The following ANXA11 variants were observed in gnomAD, a reference collection of about 807,000 sequenced individuals.
ANXA11 encodes 56 kDa autoantigen.
In ANXA11, 57 loss-of-function variants were observed where a neutral mutation model predicts 64.7. The ratio of observed to expected loss-of-function variants is 0.88; its 90% CI spans 0.71 to 1.10. ANXA11 has a LOEUF of 1.10. Ranked by LOEUF, ANXA11 falls within the 50% of genes least tolerant of loss-of-function variation. The pLI, the probability that ANXA11 is intolerant of heterozygous loss-of-function variation, is 0.00. For synonymous variants in ANXA11, 260 were observed against 265.2 expected (o/e 0.98, Z 0.19); for missense variants, 675 against 670.7 (o/e 1.01, Z -0.07).
At chr10:80,171,077 C>G in intron 3 of ANXA11, 162 bp from the exon 4 acceptor site, 1 of 1,519,438 alleles carries the variant, frequency 6.6e-7, no homozygotes, top group East Asian at 2.5e-5. Flanking sequence ...GGAGGAAAGT[C>G]TCCCCCTATC....
In ANXA11 at chr10:80,185,232, A is replaced by G. The variant is rs192642279; in HGVS notation, c.-57-9077T>C. On this transcript the variant is annotated intron_variant, in intron 1 of 15. Transcript: ENST00000422982. ...TGAACACCTACCATCTACTGCCCCC[A>G]GAAGTCTTGCTCAGATCTAACCGGG... is the stretch of plus-strand genomic sequence containing the variant. 9.8e-5 allele frequency among the ~76,000 whole-genome samples: 15 copies of G among 152,314 alleles called. No homozygotes were observed. In the East Asian group the frequency reaches 2.7e-3, roughly 27 times the overall value.
At chr10:80,187,188 T>C (rs1846573732) in intron 1 of ANXA11, among the ~76,000 whole-genome samples, 1 of 152,140 alleles carries the variant, frequency 6.6e-6, no homozygotes, top group African/African-American at 2.4e-5. Context: ...TCCCCAAAAT[T>C]CATTTATTGA....
Position 80,163,449 on chromosome 10 carries a change from T to G in ANXA11, c.1030-44A>C, listed in dbSNP as rs2236558. ...ATGGTCATGCCCACTCCTTCCCCAT[T>G]TATTTTCCCTTTCCTCATTGCGGGG... On this transcript the variant is annotated intron_variant, in intron 10 of 15. Coordinates refer to ENST00000422982, the MANE Select transcript of ANXA11 (RefSeq NM_145868.2). 544,558 of 1,612,832 alleles carry G rather than the reference T, an allele frequency of 0.34. 93,588 individuals are homozygous for G. Among genetic ancestry groups the G allele is most frequent in the African/African-American group, 0.4 (30,313 of 74,910 alleles).
Position 80,167,277 on chromosome 10 carries a change from A to G in ANXA11, c.598T>C (p.Phe200Leu). 1 of 1,614,156 alleles carries G rather than the reference A, an allele frequency of 6.2e-7. No individual in the cohort carries two copies. The highest frequency in any genetic ancestry group is 8.5e-7 in the Non-Finnish European group (1 of 1,180,020). The change falls in exon 6 of 16, where the codon TTT (phenylalanine) becomes CTT (leucine). Residue 200 changes from phenylalanine (F) to leucine (L), a missense_variant. Transcript: ENST00000422982. ...ACCTCGGCATCTCGCAGGGGGTCAA[A>G]GCCGGGAGCATCAGTGATGGTGCCT... is the stretch of plus-strand genomic sequence containing the variant. ...SRGTITDAPG[F>L]DPLRDAEVLR... is the part of the protein sequence containing the mutation.
chr10:80,175,955 G>A (rs1458009166), intron 2 of ANXA11, among the ~76,000 whole-genome samples, 152 bp downstream of exon 2: 1 of 152,206 alleles, frequency 6.6e-6, no homozygotes, highest in Non-Finnish European at 1.5e-5. Flanking sequence ...TCGGGAGGCT[G>A]AGGCAGGAGA....
intron 1 of ANXA11, among the ~76,000 whole-genome samples, chr10:80,192,804 A>T (rs1846830682): frequency 6.6e-6 from 1 of 152,198 alleles, no homozygotes; most frequent in South Asian, 2.1e-4. Context: ...TACTGGATAG[A>T]GATATTTGGA....
At chr10:80,184,292 C>G (rs1251731148) in intron 1 of ANXA11, among the ~76,000 whole-genome samples, 1 of 152,162 alleles carries the variant, frequency 6.6e-6, no homozygotes, top group East Asian at 1.9e-4. Context: ...ATAAAGCCAT[C>G]ATGAGTTGAA....
At chr10:80,197,528 T>G (rs1840220216) in intron 1 of ANXA11, among the ~76,000 whole-genome samples, 1 of 152,086 alleles carries the variant, frequency 6.6e-6, no homozygotes, top group Non-Finnish European at 1.5e-5. Context: ...CCACCTCAGT[T>G]CAGGGTTCAA....
In ANXA11 at chr10:80,167,001, C is replaced by G; in HGVS notation, c.650-17G>C. ...CATCCGTCCCTGGAGGAAGAGGCAG[C>G]AGGGGTGGGTCGGGTAGGGGTCATG... is the stretch of plus-strand genomic sequence containing the variant. On this transcript the variant is annotated splice_polypyrimidine_tract_variant and intron_variant, in intron 6 of 15. Transcript: ENST00000422982. 6.4e-7 allele frequency: 1 copy of G among 1,564,898 alleles called. No individual in the cohort carries two copies. The highest frequency in any genetic ancestry group is 1.2e-5 in the South Asian group (1 of 86,504).
At chr10:80,155,975 T>TCCTG in intron 15 of ANXA11, 63 bp from the exon 16 acceptor site, 1 of 1,533,930 alleles carries the variant, frequency 6.5e-7, no homozygotes, top group Non-Finnish European at 9.0e-7. Context: ...GCCTTCTGGG[T>TCCTG]CCTGATATTC....
chr10:80,192,860 A>G (rs1361434871), intron 1 of ANXA11, among the ~76,000 whole-genome samples: 4 of 152,276 alleles, frequency 2.6e-5, no homozygotes, highest in African/African-American at 9.6e-5. Context: ...ATTTGCAGGC[A>G]CACAAGCTTC....
In ANXA11 at chr10:80,169,158, T is replaced by C. The variant is rs759288711; in HGVS notation, c.372A>G (p.Pro124=). The C allele has an allele frequency of 6.4e-7, 1 of 1,569,698 alleles. No individual in the cohort carries two copies. The highest frequency in any genetic ancestry group is 2.0e-5 in the Admixed American group (1 of 50,694). The part of the protein sequence containing the change: ...PSRMPSYPPY[P]GAPVPGQPMP... ...TGGGCTGGCCCGGCACAGGGGCCCC[T>C]GGGTATGGCGGATATGAGGGCATCC... The change falls in exon 5 of 16, where the codon CCA becomes CCG. Residue 124 remains proline (P), a synonymous_variant. Transcript: ENST00000422982.
At position 80,151,653 on chromosome 10, in the gene ANXA11, G is replaced by C. The variant is rs1027801542; in HGVS notation, c.*4200C>G. The stretch of plus-strand genomic sequence containing the variant: ...CACTTTGACCGTGGGCACCTGCAAA[G>C]GTTCATCTTTCAGCTCCCTCTTCCC... On this transcript the variant is annotated 3_prime_UTR_variant, in exon 16 of 16. Coordinates refer to ENST00000422982, the MANE Select transcript of ANXA11 (RefSeq NM_145868.2). 6 of 152,172 alleles carry C rather than the reference G, an allele frequency of 3.9e-5. No homozygotes were observed. Among genetic ancestry groups the C allele is most frequent in the African/African-American group, 1.4e-4 (6 of 41,428 alleles). The allele number at this position is 152,172 out of a possible 1,614,324, so 9.4% of individuals were successfully genotyped here.
intron 12 of ANXA11, 114 bp downstream of exon 12, chr10:80,161,820 GA>G: frequency 1.2e-6 from 1 of 849,540 alleles, no homozygotes; most frequent in Non-Finnish European, 1.9e-6. Flanking sequence ...CTCTTTTGAG[GA>G]GGCGAAAGCC....
intron 8 of ANXA11, among the ~76,000 whole-genome samples, chr10:80,164,854 G>A (rs1320335964): frequency 1.3e-5 from 2 of 152,228 alleles, no homozygotes; most frequent in Non-Finnish European, 2.9e-5. Flanking sequence ...AGAGCACTTA[G>A]GGCCTGTCAG....
At chr10:80,170,083 C>G (rs1845913147) in intron 4 of ANXA11, among the ~76,000 whole-genome samples, 1 of 152,126 alleles carries the variant, frequency 6.6e-6, no homozygotes. Context: ...ACCCCTTTAC[C>G]CTGGTCAACT....
At position 80,169,308 on chromosome 10, in the gene ANXA11, G is replaced by A. The variant is rs201350605; in HGVS notation, c.222C>T (p.Tyr74=). The change falls in exon 5 of 16, where the codon TAC becomes TAT. Residue 74 remains tyrosine (Y), a synonymous_variant. Transcript: ENST00000422982. ...GGTAGCCAGCCCCAGGGGCCCCAGG[G>A]TACAGGTTGGGCATGTTGGCTCCTC... ...TFGGANMPNL[Y]PGAPGAGYPP... The A allele has an allele frequency of 2.7e-5, 43 of 1,610,840 alleles. No homozygotes were observed. The highest frequency in any genetic ancestry group is 3.4e-4 in the Middle Eastern group (2 of 5,916).
chr10:80,204,779 C>G (rs914926662), intron 1 of ANXA11: 2 of 152,698 alleles, frequency 1.3e-5, no homozygotes, highest in East Asian at 3.9e-4. Context: ...CGCACAGCAC[C>G]TGGGATGGCT....
rs1348230203 is a variant in ANXA11 at position 80,155,734 on chromosome 10, G to C, written c.*119C>G. The C allele has an allele frequency of 1.9e-6, 2 of 1,028,150 alleles. No homozygotes were observed. Among genetic ancestry groups the C allele is most frequent in the Admixed American group, 1.7e-5 (1 of 57,834 alleles). 63.7% of individuals were successfully genotyped at this position (1,028,150 alleles called of 1,614,324 possible). On this transcript the variant is annotated 3_prime_UTR_variant, in exon 16 of 16. Transcript: ENST00000422982. ...CAGGAGGGGTGGAAGACAGGCCTAA[G>C]CTCTAGGACGGTGAATCTCGGGGCT... is the stretch of plus-strand genomic sequence containing the variant.
Sources: allele counts gnomAD v4.1 joint callset (sites outside exome capture counted in the v4.1 genomes callset), GRCh38; gene constraint gnomAD v4.1.1; transcripts MANE v1.5; gene names NCBI Gene and HGNC (gene_info 2026-07-23, HGNC 2026-07-21).